Variants in LINGO2 observed in about 807,000 individuals in gnomAD.
The protein encoded by LINGO2 is leucine rich repeat and Ig domain containing 2.
In LINGO2, 14 loss-of-function variants were observed where a neutral mutation model predicts 30.6. The observed-to-expected ratio is 0.46, with a 90% confidence interval of 0.30 to 0.72. LINGO2 has a LOEUF of 0.72. Among genes scored for constraint, LINGO2 ranks in the 30% least tolerant of loss-of-function variants. The probability of loss-of-function intolerance (pLI) is 0.07; values close to 1 mark genes in which losing one functional copy is unlikely to be tolerated. For synonymous variants in LINGO2, 317 were observed against 288.5 expected, an observed-to-expected ratio of 1.10 and a Z score of -1.00; for missense variants, 729 against 751.7, an observed-to-expected ratio of 0.97 and a Z score of 0.35.
chr9:28,860,761 T>C, the LINGO2 span, among the ~76,000 whole-genome samples: 1 of 149,004 alleles, frequency 6.7e-6, no homozygotes. Flanking sequence ...ATACAATAGA[T>C]ATAGTCAATG....
At chr9:28,748,846 A>C in the LINGO2 span, among the ~76,000 whole-genome samples, 1 of 152,032 alleles carries the variant, frequency 6.6e-6, no homozygotes, top group African/African-American at 2.4e-5. Flanking sequence ...TATAAGATTA[A>C]CAGTAAATCA....
intron 3 of LINGO2, among the ~76,000 whole-genome samples, chr9:28,364,299 C>T (rs1047496853): frequency 6.6e-6 from 1 of 151,214 alleles, no homozygotes; most frequent in East Asian, 1.9e-4. Flanking sequence ...TTTTCAGATG[C>T]TTTCTCTGTT....
At chr9:28,745,438 T>C in the LINGO2 span, among the ~76,000 whole-genome samples, 1 of 152,070 alleles carries the variant, frequency 6.6e-6, no homozygotes, top group South Asian at 2.1e-4. Flanking sequence ...GAGTGAATTA[T>C]GGTTCAAATG....
intron 2 of LINGO2, among the ~76,000 whole-genome samples, chr9:28,386,160 T>C (rs1821572215): frequency 6.6e-6 from 1 of 152,204 alleles, no homozygotes; most frequent in Non-Finnish European, 1.5e-5. Context: ...AGTGTATCTC[T>C]GTTTTAAAGG....
chr9:28,263,870 T>C (rs1241814718), intron 4 of LINGO2, among the ~76,000 whole-genome samples: 3 of 152,032 alleles, frequency 2.0e-5, no homozygotes, highest in Non-Finnish European at 4.4e-5. Context: ...GATATCACTC[T>C]TTTATAGGCA....
chr9:28,593,075 T>G (rs1035458172), intron 1 of LINGO2, among the ~76,000 whole-genome samples: 1 of 152,066 alleles, frequency 6.6e-6, no homozygotes, highest in South Asian at 2.1e-4. Context: ...ATTTCCTGCT[T>G]TAGGTGTGAA....
the LINGO2 span, among the ~76,000 whole-genome samples, chr9:28,686,575 T>C: frequency 3.3e-5 from 5 of 152,044 alleles, no homozygotes; most frequent in Admixed American, 6.6e-5. Context: ...TACGTAGATA[T>C]ATAAATGGCA....
chr9:28,178,726 T>C (rs1450155308), intron 4 of LINGO2, among the ~76,000 whole-genome samples: 1 of 152,182 alleles, frequency 6.6e-6, no homozygotes, highest in Non-Finnish European at 1.5e-5. Flanking sequence ...CATGTTTTTA[T>C]TCTGGTGATT....
At chr9:28,981,686 A>T in the LINGO2 span, among the ~76,000 whole-genome samples, 1 of 152,088 alleles carries the variant, frequency 6.6e-6, no homozygotes, top group Non-Finnish European at 1.5e-5. Flanking sequence ...AGTTCCCACC[A>T]TCTCTACCAC....
chr9:29,129,221 A>G, the LINGO2 span, among the ~76,000 whole-genome samples: 2 of 152,136 alleles, frequency 1.3e-5, no homozygotes, highest in African/African-American at 4.8e-5. Context: ...TATTTAGGTG[A>G]GCATGTGATG....
chr9:29,139,099 T>C, the LINGO2 span, among the ~76,000 whole-genome samples: 3 of 152,148 alleles, frequency 2.0e-5, no homozygotes, highest in African/African-American at 7.2e-5. Context: ...GAGACGCTTA[T>C]AAGGCAAGAA....
At chr9:28,557,904 C>A (rs1311177682) in intron 1 of LINGO2, among the ~76,000 whole-genome samples, 1 of 149,578 alleles carries the variant, frequency 6.7e-6, no homozygotes, top group African/African-American at 2.5e-5. Flanking sequence ...GGACAAAAAA[C>A]CAAACACCAC....
chr9:28,830,683 T>C, the LINGO2 span, among the ~76,000 whole-genome samples: 4 of 152,332 alleles, frequency 2.6e-5, no homozygotes, highest in Admixed American at 1.3e-4. Flanking sequence ...TATAATTTGA[T>C]ATAATCCTAA....
intron 2 of LINGO2, among the ~76,000 whole-genome samples, chr9:28,438,857 T>G (rs2135001861): frequency 6.9e-6 from 1 of 145,418 alleles, no homozygotes; most frequent in South Asian, 2.1e-4. Flanking sequence ...TATAATGAGA[T>G]ATATATATTT....
the LINGO2 span, among the ~76,000 whole-genome samples, chr9:29,032,594 C>G: frequency 6.6e-6 from 1 of 152,194 alleles, no homozygotes; most frequent in South Asian, 2.1e-4. Context: ...AGTAAATCAT[C>G]TCTTAGAATC....
At chr9:28,016,287 C>T (rs1156841744) in intron 4 of LINGO2, among the ~76,000 whole-genome samples, 1 of 152,086 alleles carries the variant, frequency 6.6e-6, no homozygotes, top group Non-Finnish European at 1.5e-5. Context: ...GGCATTATGT[C>T]CAGGGTTTCC....
At chr9:28,735,911 T>C in the LINGO2 span, among the ~76,000 whole-genome samples, 27 of 152,330 alleles carry the variant, frequency 1.8e-4, no homozygotes, top group Admixed American at 1.4e-3. Context: ...TTACTGTTTA[T>C]AGTCATACAA....
chr9:28,372,563 G>T (rs1017132361), intron 3 of LINGO2, among the ~76,000 whole-genome samples: 4 of 151,822 alleles, frequency 2.6e-5, no homozygotes, highest in African/African-American at 9.7e-5. Context: ...TAGACAAGAA[G>T]AATAGGCTTT....
intron 4 of LINGO2, among the ~76,000 whole-genome samples, chr9:28,270,216 A>G (rs1197836811): frequency 6.6e-6 from 1 of 152,064 alleles, no homozygotes; most frequent in Non-Finnish European, 1.5e-5. Flanking sequence ...TTATTTGAAT[A>G]CCAAAGAGCC....
Sources: allele counts gnomAD v4.1 joint callset (sites outside exome capture counted in the v4.1 genomes callset), GRCh38; gene constraint gnomAD v4.1.1; transcripts MANE v1.5; gene names NCBI Gene and HGNC (gene_info 2026-07-23, HGNC 2026-07-21).